CAPN9: variants seen among roughly 807,000 people sequenced by gnomAD.
CAPN9 encodes calpain-9.
In CAPN9, 81 loss-of-function variants were observed where a neutral mutation model predicts 92.8. That is an observed-to-expected ratio of 0.87 (90% CI 0.73 to 1.05). The LOEUF (loss-of-function observed/expected upper bound fraction) is 1.05, where lower values mean the gene tolerates loss of function less well. CAPN9 is among the 50% of genes least tolerant of loss of function. CAPN9 has a pLI of 0.00. For synonymous variants in CAPN9, 304 were observed against 328.0 expected, an observed-to-expected ratio of 0.93 and a Z score of 0.79; for missense variants, 848 against 866.2, an observed-to-expected ratio of 0.98 and a Z score of 0.26.
At position 230,755,379 on chromosome 1, in the gene CAPN9, A is replaced by G. The variant is rs775974367; in HGVS notation, c.256A>G (p.Arg86Gly). The G allele has an allele frequency of 8.7e-6, 14 of 1,609,344 alleles. No homozygotes were observed. Among genetic ancestry groups the G allele is most frequent in the Non-Finnish European group, 1.2e-5 (14 of 1,178,110 alleles). Residue 86 changes from arginine to glycine, a missense_variant, in exon 2 of 20, where the codon AGG (arginine) becomes GGG (glycine). Physicochemically the swap from Arg to Gly is moderately radical, Grantham distance 125. Transcript: ENST00000271971. ...NPEFILGGAT[R>G]TDICQGELGD... ...AGAATTCATTCTTGGAGGGGCCACC[A>G]GGACTGATATCTGCCAGGGAGAGCT...
intron 19 of CAPN9, among the ~76,000 whole-genome samples, chr1:230,800,610 TG>T (rs1668672603): frequency 6.6e-6 from 1 of 152,152 alleles, no homozygotes; most frequent in South Asian, 2.1e-4. Context: ...ATCATCACCC[TG>T]CAGTACAACA....
intron 2 of CAPN9, among the ~76,000 whole-genome samples, chr1:230,756,762 C>T (rs1391258838): frequency 1.3e-5 from 2 of 152,064 alleles, no homozygotes; most frequent in Non-Finnish European, 2.9e-5. Flanking sequence ...ATAGTGAGGG[C>T]TCGCCTCTAC....
chr1:230,774,161 G>A (rs533832678), intron 7 of CAPN9, among the ~76,000 whole-genome samples: 2 of 152,336 alleles, frequency 1.3e-5, no homozygotes, highest in African/African-American at 2.4e-5. Flanking sequence ...CATTAAGGAA[G>A]GGCCAAGTAC....
In CAPN9 at chr1:230,792,843, C is replaced by G. The variant is rs760247727; in HGVS notation, c.1792-7C>G. Reference sequence around the variant, plus strand: ...CCTTCTCAAGGCTTCTGCTCTCCACCCTTTAGAACCTTTTCCTTCGGTTTG... The same window carrying G: ...CCTTCTCAAGGCTTCTGCTCTCCACGCTTTAGAACCTTTTCCTTCGGTTTG... On this transcript the variant is annotated splice_polypyrimidine_tract_variant and splice_region_variant and intron_variant, in intron 16 of 19. Transcript: ENST00000271971. 7 of 1,612,924 alleles carry G rather than the reference C, an allele frequency of 4.3e-6. No homozygotes were observed. Among genetic ancestry groups the G allele is most frequent in the Non-Finnish European group, 5.9e-6 (7 of 1,179,102 alleles).
At chr1:230,783,851 A>G (rs369360927) in intron 11 of CAPN9, among the ~76,000 whole-genome samples, 44 of 152,346 alleles carry the variant, frequency 2.9e-4, no homozygotes, top group African/African-American at 1.0e-3. Flanking sequence ...AAAAGTTTAT[A>G]ACTTCTTAGA....
At chr1:230,771,899 C>A in intron 6 of CAPN9, 115 bp from the exon 7 acceptor site, 1 of 826,778 alleles carries the variant, frequency 1.2e-6, no homozygotes, top group Non-Finnish European at 2.0e-6. Context: ...AGGCAAGAGA[C>A]TTTCAACAGA....
At chr1:230,797,002 T>C (rs1390428543) in intron 18 of CAPN9, among the ~76,000 whole-genome samples, 1 of 152,212 alleles carries the variant, frequency 6.6e-6, no homozygotes, top group Non-Finnish European at 1.5e-5. Flanking sequence ...AACCCTCCAG[T>C]TAGATATAAA....
intron 1 of CAPN9, among the ~76,000 whole-genome samples, chr1:230,753,835 C>T (rs1400817955): frequency 2.0e-5 from 3 of 147,636 alleles, no homozygotes; most frequent in African/African-American, 7.3e-5. Flanking sequence ...GAGACCGGCC[C>T]GGCTTCCTCC....
intron 1 of CAPN9, among the ~76,000 whole-genome samples, chr1:230,749,837 G>A (rs1664653800): frequency 6.6e-6 from 1 of 152,174 alleles, no homozygotes; most frequent in Non-Finnish European, 1.5e-5. Flanking sequence ...TGCTGTCATT[G>A]TAACCTAACA....
intron 5 of CAPN9, 149 bp downstream of exon 5, chr1:230,767,858 A>C: frequency 1.5e-6 from 1 of 687,214 alleles, no homozygotes; most frequent in Non-Finnish European, 2.4e-6. Flanking sequence ...GCTAATTAAA[A>C]CACAAGTTTT....
rs147594451 is a variant in CAPN9 at position 230,792,481 on chromosome 1, T to C, written c.1778T>C (p.Leu593Pro). ...FDEFKVFWDK[L>P]KQWINLFLRF... The stretch of plus-strand genomic sequence containing the variant: ...GAATTCAAAGTGTTCTGGGACAAGC[T>C]GAAGCAGTGGATTGTATGTAACCTG... The change falls in exon 16 of 20, where the codon CTG becomes CCG. Residue 593 changes from leucine (L) to proline (P), a missense_variant. Transcript: ENST00000271971. 61 of 1,613,706 alleles carry C rather than the reference T, an allele frequency of 3.8e-5. 1 individual carries two copies. Among genetic ancestry groups the C allele is most frequent in the Middle Eastern group, 1.6e-4 (1 of 6,082 alleles).
intron 5 of CAPN9, among the ~76,000 whole-genome samples, chr1:230,768,155 G>A (rs1344923303): frequency 6.6e-6 from 1 of 152,046 alleles, no homozygotes; most frequent in Admixed American, 6.6e-5. Context: ...GATCCCTTGA[G>A]CCCAGGAGTT....
intron 7 of CAPN9, among the ~76,000 whole-genome samples, chr1:230,773,202 T>G (rs3790974): frequency 0.32 from 49,218 of 151,990 alleles, 8,263 homozygotes; most frequent in South Asian, 0.48. Flanking sequence ...AGGCTGTCAT[T>G]GTCCCCATGG....
intron 1 of CAPN9, among the ~76,000 whole-genome samples, chr1:230,752,288 C>A (rs78522121): frequency 0.085 from 12,957 of 152,228 alleles, 729 homozygotes; most frequent in South Asian, 0.15. Context: ...CATGCGTCCG[C>A]AGAACCCCCT....
chr1:230,786,895 C>G (rs1667629963), intron 12 of CAPN9, among the ~76,000 whole-genome samples: 1 of 151,466 alleles, frequency 6.6e-6, no homozygotes, highest in Non-Finnish European at 1.5e-5. Context: ...ATGGGGGTGG[C>G]TTTACCCTCG....
chr1:230,757,719 CAAA>C (rs35948414), intron 2 of CAPN9, among the ~76,000 whole-genome samples: 1 of 104,310 alleles, frequency 9.6e-6, no homozygotes, highest in African/African-American at 3.7e-5. Context: ...ACATCTCTAT[CAAA>C]AAAAAAAAAA....
chr1:230,755,502 C>T (rs2493145), intron 2 of CAPN9, 96 bp downstream of exon 2: 328,195 of 890,334 alleles, frequency 0.37, 63,053 homozygotes, highest in Non-Finnish European at 0.4. Flanking sequence ...CCAAGAGGCA[C>T]GGGGCTGGGG....
At chr1:230,800,254 GAAAGA>G (rs1443530615) in intron 19 of CAPN9, among the ~76,000 whole-genome samples, 1 of 113,792 alleles carries the variant, frequency 8.8e-6, no homozygotes, top group Non-Finnish European at 1.9e-5. Context: ...AAGAAAGAAA[GAAAGA>G]AAGAAAGAAA....
chr1:230,780,470 G>A, intron 10 of CAPN9, 30 bp from the exon 11 acceptor site: 1 of 1,610,830 alleles, frequency 6.2e-7, no homozygotes, highest in Non-Finnish European at 8.5e-7. Context: ...AACTTCCCTA[G>A]GAAACCCCTC....
Sources: allele counts gnomAD v4.1 joint callset (sites outside exome capture counted in the v4.1 genomes callset), GRCh38; gene constraint gnomAD v4.1.1; transcripts MANE v1.5; gene names NCBI Gene and HGNC (gene_info 2026-07-23, HGNC 2026-07-21).